Variants in MCF2L observed in about 807,000 individuals in gnomAD.
MCF2L encodes the protein MCF.2 cell line derived transforming sequence like, also known as guanine nucleotide exchange factor DBS.
In MCF2L, 97 loss-of-function variants were observed where a neutral mutation model predicts 153.4. The ratio of observed to expected loss-of-function variants is 0.63; its 90% CI spans 0.54 to 0.75. MCF2L has a LOEUF of 0.75. Among genes scored for constraint, MCF2L ranks in the 30% least tolerant of loss-of-function variants. The pLI is 0.00. For synonymous variants in MCF2L, 659 were observed against 632.2 expected, an observed-to-expected ratio of 1.04 and a Z score of -0.64; for missense variants, 1,347 against 1,495.2, an observed-to-expected ratio of 0.90 and a Z score of 1.64.
chr13:113,030,928 A>G (rs149150774), intron 3 of MCF2L, among the ~76,000 whole-genome samples: 1 of 152,342 alleles, frequency 6.6e-6, no homozygotes, highest in Non-Finnish European at 1.5e-5. Flanking sequence ...GGAACACAAC[A>G]GCAAATAAAC....
rs950683380 is a variant in MCF2L, at chr13:113,059,610, C to T, written c.370-983C>T. Among the ~76,000 whole-genome samples, 11 of 152,324 alleles carry T rather than the reference C, an allele frequency of 7.2e-5. No homozygotes were observed. In the East Asian group the frequency reaches 7.7e-4, roughly 11 times the overall value. ...GCAACCATCACTGCACGTCTGTCAT[C>T]GCGGCTTTTGAGCGCTTCCTTGGTG... On this transcript the variant is annotated intron_variant, in intron 4 of 29. Coordinates refer to ENST00000535094, the MANE Select transcript of MCF2L (RefSeq NM_001112732.3).
In MCF2L at chr13:112,904,076, T is replaced by C. The variant is rs74115712; in HGVS notation, c.169+1705T>C. 0.015 allele frequency among the ~76,000 whole-genome samples: 2,211 copies of C among 152,038 alleles called. 55 individuals carry two copies. Among genetic ancestry groups the C allele is most frequent in the African/African-American group, 0.049 (2,047 of 41,448 alleles). ...AGAACCTCGGACTGGTGCCTTTCCC[T>C]GAGCGCCCAAGTCTCGCGTGGACCA... On this transcript the variant is annotated intron_variant, in intron 2 of 29. Coordinates refer to the MCF2L transcript ENST00000375608. The surrounding 1 kb of genome is among the most constrained non-coding windows in gnomAD (Gnocchi z 4.2).
At chr13:113,024,847 A>T in intron 3 of MCF2L, 89 bp downstream of exon 3, 1 of 1,009,602 alleles carries the variant, frequency 9.9e-7, no homozygotes, top group East Asian at 2.5e-5. Context: ...CAACTATGGG[A>T]TGAGGCAGAG....
rs1244462251 is a variant in MCF2L at position 113,027,425 on chromosome 13, TTGG to T, written c.278+2671_278+2673del. 6.6e-6 allele frequency among the ~76,000 whole-genome samples: 1 copy of T among 152,090 alleles called. No individual in the cohort carries two copies. The highest frequency in any genetic ancestry group is 1.5e-5 in the Non-Finnish European group (1 of 68,010). Reference sequence around the variant, plus strand: ...GTGGGCCTTTCGGGGGCAGGACGTCTTGGTGGGCAGAAAGAAGGGGGCTCGTGA... The same window carrying T: ...GTGGGCCTTTCGGGGGCAGGACGTCTTGGGCAGAAAGAAGGGGGCTCGTGA... On this transcript the variant is annotated intron_variant, in intron 3 of 29. Coordinates refer to ENST00000535094, the MANE Select transcript of MCF2L (RefSeq NM_001112732.3). The surrounding 1 kb of genome is among the most constrained non-coding windows in gnomAD (Gnocchi z 4.8).
At position 113,076,130 on chromosome 13, in the gene MCF2L, C is replaced by A; in HGVS notation, c.1473C>A (p.Tyr491Ter). The change falls in exon 12 of 30, where the codon TAC becomes TAA. Residue 491 changes from tyrosine to a stop codon, truncating the protein, a stop_gained. Coordinates refer to ENST00000535094, the MANE Select transcript of MCF2L (RefSeq NM_001112732.3). LOFTEE classifies it high-confidence loss of function. ...IQELNAIYKE[Y>*]ESILNQDLME... ...AGCTCAACGCGATTTACAAGGAATA[C>A]GAATCCATCCTCAACCAAGATCTCA... 6.2e-7 allele frequency: 1 copy of A among 1,613,590 alleles called. No homozygotes were observed. Among genetic ancestry groups the A allele is most frequent in the Non-Finnish European group, 8.5e-7 (1 of 1,179,788 alleles).
chr13:112,952,383 T>C (rs2081704116), intron 2 of MCF2L, among the ~76,000 whole-genome samples: 1 of 152,196 alleles, frequency 6.6e-6, no homozygotes, highest in Non-Finnish European at 1.5e-5. Context: ...AGGTTTGTTT[T>C]CTGGGGATCC....
At position 113,090,710 on chromosome 13, in the gene MCF2L, A is replaced by G. The variant is rs965106179; in HGVS notation, c.2953+982A>G. On this transcript the variant is annotated intron_variant, in intron 26 of 29. Transcript: ENST00000535094. ...TGGCGTGCAGGCGGCTCTTCTGGGAAGCCCTGAAGGCCAGCGTGGACAAGG... is the reference window on the plus strand; with the variant it reads ...TGGCGTGCAGGCGGCTCTTCTGGGAGGCCCTGAAGGCCAGCGTGGACAAGG... The G allele has an allele frequency of 3.2e-5, 32 of 985,372 alleles. No homozygotes were observed. In the African/African-American group the frequency reaches 4.5e-4, roughly 14 times the overall value. 61.0% of individuals were successfully genotyped at this position (985,372 alleles called of 1,614,324 possible). A position where few individuals can be genotyped will look rare whatever the true frequency, so the allele number is the denominator to read the frequency against.
At position 113,085,112 on chromosome 13, in the gene MCF2L, GC is replaced by G; in HGVS notation, c.2182del (p.Leu728Ter). On this transcript the variant is annotated frameshift_variant, in exon 20 of 30. Transcript: ENST00000535094. LOFTEE classifies it high-confidence loss of function. Reference protein sequence around the residue: ...QECQRKLDHKLSLDSYLLKPV... With the variant: ...QECQRKLDHKXSLDSYLLKPV... ...AATGCCAGAGAAAGCTGGACCACAA[GC>G]TGAGCCTGGACTCCTACCTGCTGAA... is the stretch of plus-strand genomic sequence containing the variant. 6.2e-7 allele frequency: 1 copy of G among 1,613,724 alleles called. No homozygotes were observed. The highest frequency in any genetic ancestry group is 8.5e-7 in the Non-Finnish European group (1 of 1,180,028).
chr13:113,082,552 T>TC lies in MCF2L; in HGVS notation c.1991+16dup. ...ATCACTTCCACAACAGGTGGGCCCT[T>TC]CCCCCCGACACAGGCACGCACCCGT... is the stretch of plus-strand genomic sequence containing the variant. On this transcript the variant is annotated intron_variant, in intron 17 of 29. Transcript: ENST00000535094. 4 of 1,561,564 alleles carry TC rather than the reference T, an allele frequency of 2.6e-6. No homozygotes were observed. The highest frequency in any genetic ancestry group is 1.8e-6 in the Non-Finnish European group (2 of 1,133,256).
intron 2 of MCF2L, among the ~76,000 whole-genome samples, chr13:112,918,682 C>T (rs1295933174): frequency 2.0e-5 from 3 of 152,202 alleles, no homozygotes; most frequent in African/African-American, 4.8e-5. Flanking sequence ...GCATTTCCTG[C>T]TTTTGTCTCC....
rs1168406041 is a variant in MCF2L at position 113,094,252 on chromosome 13, G to T, written c.2954-262G>T. On this transcript the variant is annotated intron_variant, in intron 26 of 29. Coordinates refer to ENST00000535094, the MANE Select transcript of MCF2L (RefSeq NM_001112732.3). Reference sequence around the variant, plus strand: ...TGCCTGACAAGGGCGTGGCTTCCCAGGGCCTGGGGATCGAGGTCTCCCACA... The same window carrying T: ...TGCCTGACAAGGGCGTGGCTTCCCATGGCCTGGGGATCGAGGTCTCCCACA... 3.8e-5 allele frequency: 10 copies of T among 259,826 alleles called. No homozygotes were observed. In the East Asian group the frequency reaches 8.0e-4, roughly 21 times the overall value. The allele number at this position is 259,826 out of a possible 1,614,324, so 16.1% of individuals were successfully genotyped here. A position where few individuals can be genotyped will look rare whatever the true frequency, so the allele number is the denominator to read the frequency against.
At position 113,045,053 on chromosome 13, in the gene MCF2L, A is replaced by T; in HGVS notation, c.279-218A>T. ...TGGTGTTAGGCTGAGAAATAAGAAC[A>T]CACCAAAAGTGCCTGCCCTTCCGTA... On this transcript the variant is annotated intron_variant, in intron 3 of 29. Coordinates refer to ENST00000535094, the MANE Select transcript of MCF2L (RefSeq NM_001112732.3). The surrounding 1 kb of genome is among the most constrained non-coding windows in gnomAD (Gnocchi z 4.2). The T allele has an allele frequency of 9.4e-7, 1 of 1,064,564 alleles. No homozygotes were observed. Among genetic ancestry groups the T allele is most frequent in the South Asian group, 1.5e-5 (1 of 64,576 alleles). The allele number at this position is 1,064,564 out of a possible 1,614,324, so 65.9% of individuals were successfully genotyped here. A position where few individuals can be genotyped will look rare whatever the true frequency, so the allele number is the denominator to read the frequency against.
chr13:112,977,640 C>T (rs984391444), intron 1 of MCF2L, among the ~76,000 whole-genome samples: 4 of 152,150 alleles, frequency 2.6e-5, no homozygotes, highest in Admixed American at 6.5e-5. Context: ...CCTGCTGTTC[C>T]GATTTCCTTG....
At chr13:112,979,747 G>T (rs755129494) in intron 1 of MCF2L, 2 of 1,611,546 alleles carry the variant, frequency 1.2e-6, no homozygotes, top group East Asian at 2.2e-5. Flanking sequence ...ACTGCAGGGC[G>T]CTCGAGGCCA....
intron 13 of MCF2L, among the ~76,000 whole-genome samples, chr13:113,077,629 A>G (rs893650999): frequency 6.6e-6 from 1 of 152,012 alleles, no homozygotes; most frequent in Non-Finnish European, 1.5e-5. Context: ...AACATTCCTC[A>G]CACACGGCCC....
chr13:113,012,780 G>A (rs2084248359), intron 1 of MCF2L, among the ~76,000 whole-genome samples: 1 of 113,232 alleles, frequency 8.8e-6, no homozygotes, highest in East Asian at 2.6e-4. Context: ...CGGTGTGGAC[G>A]GTGGACACTG....
chr13:112,910,949 G>C (rs1328395372), intron 2 of MCF2L, among the ~76,000 whole-genome samples: 2 of 140,514 alleles, frequency 1.4e-5, no homozygotes, highest in Non-Finnish European at 3.1e-5. Context: ...GCGTGTAAAT[G>C]AAGCCGCAGC....
intron 2 of MCF2L, among the ~76,000 whole-genome samples, chr13:112,946,755 G>T (rs117432565): frequency 2.1e-3 from 313 of 152,342 alleles, no homozygotes; most frequent in African/African-American, 7.3e-3. Context: ...TGCGTATCCC[G>T]TGGCTTTACT....
intron 3 of MCF2L, among the ~76,000 whole-genome samples, chr13:113,038,704 C>T (rs2086297866): frequency 6.6e-6 from 1 of 152,066 alleles, no homozygotes; most frequent in African/African-American, 2.4e-5. Context: ...AGTCACCCAA[C>T]TTTGAAGAAA....
Sources: allele counts gnomAD v4.1 joint callset (sites outside exome capture counted in the v4.1 genomes callset), GRCh38; gene constraint gnomAD v4.1.1; non-coding constraint Gnocchi (gnomAD v3.1); transcripts MANE v1.5; gene names NCBI Gene and HGNC (gene_info 2026-07-23, HGNC 2026-07-21).